Variants in MAOB observed in about 807,000 individuals in gnomAD.
The protein encoded by MAOB is monoamine oxidase B.
Under a neutral mutation model 41.9 loss-of-function variants are expected in MAOB, and 15 were observed. The observed-to-expected ratio is 0.36, with a 90% CI of 0.24 to 0.55. MAOB has a LOEUF of 0.55. Ranked by LOEUF, MAOB falls within the 20% of genes least tolerant of loss-of-function variation. The pLI is 0.86. For synonymous variants in MAOB, 167 were observed against 144.2 expected, an observed-to-expected ratio of 1.16 and a Z score of -1.13; for missense variants, 345 against 398.7, an observed-to-expected ratio of 0.87 and a Z score of 1.15.
chrX:43,813,014 C>G (rs918047875), intron 3 of MAOB, among the ~76,000 whole-genome samples: 2 of 112,194 alleles, frequency 1.8e-5, no homozygotes, highest in Admixed American at 1.9e-4. Flanking sequence ...TATGTATTGA[C>G]TCAATCTTCA....
intron 1 of MAOB, among the ~76,000 whole-genome samples, chrX:43,878,980 T>C (rs2035457421): frequency 8.9e-6 from 1 of 112,416 alleles, no homozygotes; most frequent in African/African-American, 3.2e-5. Context: ...AGTTGCCTTT[T>C]TTAGTTTTTA....
intron 3 of MAOB, among the ~76,000 whole-genome samples, chrX:43,825,152 T>C (rs932242522): frequency 3.6e-5 from 4 of 112,190 alleles, no homozygotes; most frequent in Non-Finnish European, 7.5e-5. Context: ...TAGCTTGACA[T>C]CGGACATTAA....
At chrX:43,780,861 CTTTGATCTCTCTGTTCTGACTG>C (rs1186813946) in intron 9 of MAOB, among the ~76,000 whole-genome samples, 1 of 111,953 alleles carries the variant, frequency 8.9e-6, no homozygotes, top group African/African-American at 3.2e-5. Context: ...TAACAATTAG[CTTTGATCTCTCTGTTCTGACTG>C]TTGGCTCTCT....
chrX:43,781,400 A>G, intron 9 of MAOB, 48 bp downstream of exon 9: 1 of 779,055 alleles, frequency 1.3e-6, no homozygotes, highest in Non-Finnish European at 1.8e-6. Flanking sequence ...GTATGTGATT[A>G]TCTTGTCAAC....
At chrX:43,802,543 G>C (rs1271269413) in intron 4 of MAOB, among the ~76,000 whole-genome samples, 2 of 111,573 alleles carry the variant, frequency 1.8e-5, no homozygotes, top group Non-Finnish European at 3.8e-5. Context: ...GTTGTAACTG[G>C]GCTATTTCTA....
intron 3 of MAOB, among the ~76,000 whole-genome samples, chrX:43,819,676 TG>T (rs1205053432): frequency 1.8e-5 from 2 of 112,203 alleles, no homozygotes; most frequent in African/African-American, 6.5e-5. Context: ...CCCAGGGCTC[TG>T]GGGTGGCCCA....
chrX:43,882,115 C>T, intron 1 of MAOB, 139 bp downstream of exon 1: 1 of 1,059,107 alleles, frequency 9.4e-7, no homozygotes, highest in Non-Finnish European at 1.2e-6. Context: ...GCTCTGGACC[C>T]ACTAGAGCCC....
intron 11 of MAOB, among the ~76,000 whole-genome samples, chrX:43,777,505 C>A (rs2034274546): frequency 9.0e-6 from 1 of 111,543 alleles, no homozygotes; most frequent in African/African-American, 3.3e-5. Flanking sequence ...GTATCAAGTA[C>A]AGAAGATCTG....
chrX:43,864,050 G>A (rs979022841), intron 1 of MAOB, among the ~76,000 whole-genome samples: 1 of 111,222 alleles, frequency 9.0e-6, no homozygotes, highest in Non-Finnish European at 1.9e-5. Context: ...TTAAACTGAT[G>A]AATACAACAT....
In MAOB at chrX:43,830,431, T is replaced by C. The variant is rs934069068; in HGVS notation, c.279+8437A>G. Among the ~76,000 whole-genome samples, 3 of 111,706 alleles carry C rather than the reference T, an allele frequency of 2.7e-5. No homozygotes were observed. The East Asian group carries it at 8.5e-4, about 32-fold the overall frequency. On this transcript the variant is annotated intron_variant, in intron 3 of 14. Transcript: ENST00000378069. ...AGGGTATTAAAAGTCTGACTGGAAC[T>C]GAAGGAAACTTAGAAGGTAATACAG...
rs779964205 is a variant in MAOB, at chrX:43,838,874, A to G, written c.273T>C (p.His91=). ...KVNEVERLIH[H]VKGKSYPFRG... is the part of the protein sequence containing the mutation. The stretch of plus-strand genomic sequence containing the variant: ...AAGTCTGGCCTGATCTTACCTTTAC[A>G]TGGTGGATCAGACGCTCAACCTCAT... Residue 91 remains histidine (H), a synonymous_variant, in exon 3 of 15, where the codon CAT becomes CAC. Coordinates refer to ENST00000378069, the MANE Select transcript of MAOB (RefSeq NM_000898.5). 8 of 1,195,521 alleles carry G rather than the reference A, an allele frequency of 6.7e-6. No homozygotes were observed. The highest frequency in any genetic ancestry group is 2.3e-5 in the Admixed American group (1 of 43,542).
At chrX:43,840,549 C>T (rs899475367) in intron 2 of MAOB, among the ~76,000 whole-genome samples, 2 of 111,514 alleles carry the variant, frequency 1.8e-5, no homozygotes, top group Non-Finnish European at 3.8e-5. Context: ...GTGAGATCAA[C>T]ACAGAAGGCA....
intron 8 of MAOB, among the ~76,000 whole-genome samples, chrX:43,785,706 A>G (rs1054899450): frequency 8.9e-6 from 1 of 111,984 alleles, no homozygotes; most frequent in African/African-American, 3.2e-5. Context: ...CTGTAGGGTC[A>G]TTCATTGGCC....
intron 1 of MAOB, among the ~76,000 whole-genome samples, chrX:43,858,483 G>C (rs370918059): frequency 9.0e-6 from 1 of 110,819 alleles, no homozygotes. Context: ...CACACTCTGC[G>C]CTGTTTAGTG....
chrX:43,799,156 A>C (rs1166330819), intron 5 of MAOB, among the ~76,000 whole-genome samples: 1 of 111,696 alleles, frequency 9.0e-6, no homozygotes, highest in Non-Finnish European at 1.9e-5. Flanking sequence ...CGTCTATGAC[A>C]GTCCCCATCA....
At chrX:43,770,954 T>G (rs2239449) in intron 12 of MAOB, among the ~76,000 whole-genome samples, 5,239 of 111,618 alleles carry the variant, frequency 0.047, 213 homozygotes, top group South Asian at 0.18. Context: ...TCCTGTCTCA[T>G]GGTTCTCTTA....
chrX:43,807,852 T>A (rs1479487661), intron 3 of MAOB, among the ~76,000 whole-genome samples: 2 of 112,190 alleles, frequency 1.8e-5, no homozygotes, highest in Admixed American at 1.9e-4. Context: ...TAATCTCAGC[T>A]GTGTGACCTT....
intron 1 of MAOB, among the ~76,000 whole-genome samples, chrX:43,851,174 T>C (rs1427493360): frequency 8.9e-6 from 1 of 112,182 alleles, no homozygotes; most frequent in Non-Finnish European, 1.9e-5. Flanking sequence ...GTTTGTGTGC[T>C]ATATTATTCA....
At chrX:43,866,620 G>A (rs1032294964) in intron 1 of MAOB, among the ~76,000 whole-genome samples, 2 of 112,583 alleles carry the variant, frequency 1.8e-5, no homozygotes, top group Non-Finnish European at 3.8e-5. Context: ...AAGATGCAAC[G>A]GTTCTGGAGA....
Sources: gnomAD v4.1 joint callset for allele counts (sites outside exome capture counted in the v4.1 genomes callset) on GRCh38, gnomAD v4.1.1 for gene constraint, MANE v1.5 for transcripts, NCBI Gene and HGNC (gene_info 2026-07-23, HGNC 2026-07-21) for gene names.